RPS6KA4: variants seen among roughly 807,000 people sequenced by gnomAD.
RPS6KA4 encodes the protein ribosomal protein S6 kinase alpha-4.
Under a neutral mutation model 89.6 loss-of-function variants are expected in RPS6KA4, and 38 were observed. The observed-to-expected ratio is 0.42, with a 90% confidence interval of 0.33 to 0.56. RPS6KA4 has a LOEUF of 0.56. Ranked by LOEUF, RPS6KA4 falls within the 20% of genes least tolerant of loss-of-function variation. The pLI is 0.07. For missense variants in RPS6KA4, 873 were observed against 1,098.8 expected, an observed-to-expected ratio of 0.79 and a Z score of 2.90; for synonymous variants, 495 against 492.8, an observed-to-expected ratio of 1.00 and a Z score of -0.06.
intron 8 of RPS6KA4, among the ~76,000 whole-genome samples, chr11:64,364,168 ATTC>A (rs2036823971): frequency 1.0e-5 from 1 of 97,062 alleles, no homozygotes; most frequent in African/African-American, 3.9e-5. Context: ...TTTTTTTTTT[ATTC>A]TTAGCAAGTA....
At position 64,370,638 on chromosome 11, in the gene RPS6KA4, G is replaced by A; in HGVS notation, c.2033G>A (p.Ser678Asn). 6.3e-7 allele frequency: 1 copy of A among 1,575,146 alleles called. No homozygotes were observed. Among genetic ancestry groups the A allele is most frequent in the Non-Finnish European group, 8.6e-7 (1 of 1,167,688 alleles). Residue 678 changes from serine (S) to asparagine (N), a missense_variant, in exon 16 of 17, where the codon AGC (serine) becomes AAC (asparagine). Ser to Asn is a conservative substitution (Grantham distance 46). Transcript: ENST00000334205. This position sits in a 1 kb window ranked among gnomAD's most constrained non-coding sequence, Gnocchi z 4.1. ...LRGSSWLQDGSARSSPPLRTP... is the reference protein window; with the variant it reads ...LRGSSWLQDGNARSSPPLRTP... ...GGCAGCTCGTGGCTGCAGGACGGCA[G>A]CGCGCGCTCCTCGCCCCCGCTCCGG...
intron 8 of RPS6KA4, among the ~76,000 whole-genome samples, chr11:64,363,035 T>G (rs188042179): frequency 6.6e-6 from 1 of 152,308 alleles, no homozygotes; most frequent in Non-Finnish European, 1.5e-5. Context: ...AACAATTAAG[T>G]ACTTTGTCCA....
chr11:64,367,203 T>C (rs1191297888), intron 9 of RPS6KA4, among the ~76,000 whole-genome samples: 1 of 152,232 alleles, frequency 6.6e-6, no homozygotes, highest in Non-Finnish European at 1.5e-5. Flanking sequence ...TGGAGTGCAG[T>C]TGGGCAACCA....
At chr11:64,360,613 A>T (rs759164837) in intron 4 of RPS6KA4, 21 bp downstream of exon 4, 1 of 1,568,798 alleles carries the variant, frequency 6.4e-7, no homozygotes. Context: ...ACCTGGCCGC[A>T]GGCTGTTGCT....
intron 4 of RPS6KA4, 172 bp downstream of exon 4, chr11:64,360,764 G>T: frequency 1.6e-6 from 1 of 626,732 alleles, no homozygotes; most frequent in Non-Finnish European, 2.7e-6. Context: ...AAGCCTCAAC[G>T]TTGCCTGGTG....
In RPS6KA4 at chr11:64,361,643, C is replaced by G; in HGVS notation, c.653C>G (p.Ala218Gly). Reference sequence around the variant, plus strand: ...CCTCACCCCGGCTCCACCCGGCAGGCTGTGGACTGGTGGAGCCTGGGCATC... The same window carrying G: ...CCTCACCCCGGCTCCACCCGGCAGGGTGTGGACTGGTGGAGCCTGGGCATC... ...IIRSKTGHGK[A>G]VDWWSLGILL... Residue 218 changes from alanine to glycine, a missense_variant and splice_region_variant, in exon 7 of 17, where the codon GCT becomes GGT. By Grantham distance (60) the Ala-to-Gly change is moderately conservative. This residue lies in a region of RPS6KA4 where 542 missense variants were observed against 736.4 expected (regional missense o/e 0.74). Coordinates refer to ENST00000334205, the MANE Select transcript of RPS6KA4 (RefSeq NM_003942.3). The surrounding 1 kb of genome is among the most constrained non-coding windows in gnomAD (Gnocchi z 4.7). 12 of 1,613,276 alleles carry G rather than the reference C, an allele frequency of 7.4e-6. No individual in the cohort carries two copies. The highest frequency in any genetic ancestry group is 1.3e-5 in the African/African-American group (1 of 75,038).
At position 64,370,525 on chromosome 11, in the gene RPS6KA4, G is replaced by A. The variant is rs765295484; in HGVS notation, c.1958-38G>A. 1.3e-6 allele frequency: 2 copies of A among 1,589,088 alleles called. No homozygotes were observed. The highest frequency in any genetic ancestry group is 1.3e-5 in the African/African-American group (1 of 74,584). On this transcript the variant is annotated intron_variant, in intron 15 of 16. Coordinates refer to ENST00000334205, the MANE Select transcript of RPS6KA4 (RefSeq NM_003942.3). The surrounding 1 kb of genome is among the most constrained non-coding windows in gnomAD (Gnocchi z 4.1). ...GATCTCTTTGGGGCTCAGCCTTTAC[G>A]CCAGGCTCCTCCCCACACTTCCTTG... is the stretch of plus-strand genomic sequence containing the variant.
chr11:64,368,721 A>C lies in RPS6KA4; in HGVS notation c.1352A>C (p.Gln451Pro). The stretch of plus-strand genomic sequence containing the variant: ...TCCCCCAGGCTGGAGGCGAACACGC[A>C]GCGCGAAGTGGCTGCCCTGCGCCTG... The part of the protein sequence containing the change: ...ILSRRLEANT[Q>P]REVAALRLCQ... The change falls in exon 12 of 17, where the codon CAG (glutamine) becomes CCG (proline). Residue 451 changes from glutamine (Q) to proline (P), a missense_variant. Gln to Pro is a moderately conservative substitution (Grantham distance 76). This residue lies in a region of RPS6KA4 where 542 missense variants were observed against 736.4 expected (regional missense o/e 0.74). Coordinates refer to ENST00000334205, the MANE Select transcript of RPS6KA4 (RefSeq NM_003942.3). The C allele has an allele frequency of 6.3e-7, 1 of 1,577,654 alleles. No homozygotes were observed. The highest frequency in any genetic ancestry group is 8.6e-7 in the Non-Finnish European group (1 of 1,162,136).
rs2036706224 is a variant in RPS6KA4, at chr11:64,360,246, G to T, written c.211G>T (p.Ala71Ser). 3 of 1,547,812 alleles carry T rather than the reference G, an allele frequency of 1.9e-6. No homozygotes were observed. In the African/African-American group the frequency reaches 4.1e-5, roughly 21 times the overall value. Reference protein sequence around the residue: ...LYAMKVLRKAALVQRAKTQEH... With the variant: ...LYAMKVLRKASLVQRAKTQEH... ...CGCCATGAAGGTGCTGCGCAAGGCGGCGCTGGTGCAGCGCGCCAAGACGCA... is the reference window on the plus strand; with the variant it reads ...CGCCATGAAGGTGCTGCGCAAGGCGTCGCTGGTGCAGCGCGCCAAGACGCA... Residue 71 changes from alanine to serine, a missense_variant, in exon 3 of 17, where the codon GCG becomes TCG. Physicochemically the swap from Ala to Ser is moderately conservative, Grantham distance 99. Coordinates refer to ENST00000334205, the MANE Select transcript of RPS6KA4 (RefSeq NM_003942.3).
chr11:64,371,800 A>C lies in RPS6KA4; in HGVS notation c.*320A>C. 3.8e-6 allele frequency: 1 copy of C among 265,472 alleles called. No homozygotes were observed. Among genetic ancestry groups the C allele is most frequent in the Non-Finnish European group, 7.1e-6 (1 of 140,040 alleles). The allele number at this position is 265,472 out of a possible 1,614,324, so 16.4% of individuals were successfully genotyped here. On this transcript the variant is annotated 3_prime_UTR_variant, in exon 17 of 17. Transcript: ENST00000334205. ...GGAAAGAGCCCCTCCCCCACTTCTA[A>C]GCACTGAGTTAGGAGTGCTAACTCC...
At position 64,368,562 on chromosome 11, in the gene RPS6KA4, A is replaced by G. The variant is rs1397460841; in HGVS notation, c.1295A>G (p.Gln432Arg). 1.3e-6 allele frequency: 2 copies of G among 1,598,422 alleles called. No homozygotes were observed. The highest frequency in any genetic ancestry group is 1.7e-6 in the Non-Finnish European group (2 of 1,175,008). ...FSVCRRCRQRQSGQEFAVKIL... is the reference protein window; with the variant it reads ...FSVCRRCRQRRSGQEFAVKIL... Reference sequence around the variant, plus strand: ...GTGTGTCGCCGCTGCCGCCAGCGCCAGAGCGGCCAGGAGTTCGCAGTCAAG... The same window carrying G: ...GTGTGTCGCCGCTGCCGCCAGCGCCGGAGCGGCCAGGAGTTCGCAGTCAAG... Residue 432 changes from glutamine to arginine, a missense_variant, in exon 11 of 17, where the codon CAG becomes CGG. Physicochemically the swap from Gln to Arg is conservative, Grantham distance 43. Transcript: ENST00000334205.
At chr11:64,365,648 T>A (rs762539921) in intron 9 of RPS6KA4, among the ~76,000 whole-genome samples, 183 bp downstream of exon 9, 2 of 152,234 alleles carry the variant, frequency 1.3e-5, no homozygotes, top group Non-Finnish European at 2.9e-5. Context: ...CCAGGCAGGA[T>A]GTGTGTTTGA....
chr11:64,367,774 T>C lies in RPS6KA4; in HGVS notation c.1072-358T>C, dbSNP rs543696036. On this transcript the variant is annotated intron_variant, in intron 9 of 16. Transcript: ENST00000334205. ...TTGAAAGGGAGGAATAAGTTTTTTT[T>C]CCTCAGCGGATAGAGTTGGATTCTC... 2.5e-3 allele frequency among the ~76,000 whole-genome samples: 379 copies of C among 152,332 alleles called. 1 individual carries two copies. Among genetic ancestry groups the C allele is most frequent in the Non-Finnish European group, 4.2e-3 (288 of 68,032 alleles).
At chr11:64,369,653 G>T (rs1213744717) in intron 13 of RPS6KA4, 34 bp downstream of exon 13, 1 of 1,600,378 alleles carries the variant, frequency 6.2e-7, no homozygotes, top group South Asian at 1.1e-5. Flanking sequence ...GGGCGGAGCG[G>T]TGGCGCCGGG....
chr11:64,360,867 C>A lies in RPS6KA4; in HGVS notation c.463-267C>A, dbSNP rs780042155. The A allele has an allele frequency of 2.9e-4, 165 of 572,688 alleles. 1 individual carries two copies. The highest frequency in any genetic ancestry group is 6.5e-5 in the Non-Finnish European group (21 of 323,696). The allele number at this position is 572,688 out of a possible 1,614,324, so 35.5% of individuals were successfully genotyped here. ...AGAACTTCCTCAAATGGAAACCTCACGGCCTGGCTCCTAAGGCCTCCTTGA... is the reference window on the plus strand; with the variant it reads ...AGAACTTCCTCAAATGGAAACCTCAAGGCCTGGCTCCTAAGGCCTCCTTGA... On this transcript the variant is annotated intron_variant, in intron 4 of 16. Transcript: ENST00000334205.
rs1267280080 is a variant in RPS6KA4, at chr11:64,360,505, C to T, written c.375C>T (p.Thr125=). 4 of 1,611,222 alleles carry T rather than the reference C, an allele frequency of 2.5e-6. No individual in the cohort carries two copies. Among genetic ancestry groups the T allele is most frequent in the Non-Finnish European group, 3.4e-6 (4 of 1,178,542 alleles). Residue 125 remains threonine, a synonymous_variant, in exon 4 of 17, where the codon ACC becomes ACT. Transcript: ENST00000334205. ...LDYVSGGEMF[T]HLYQRQYFKE... is the part of the protein sequence containing the mutation. ...ATGTGAGCGGCGGGGAGATGTTCAC[C>T]CACCTCTACCAGCGCCAGTACTTCA...
chr11:64,362,611 C>T (rs780038456), intron 8 of RPS6KA4, among the ~76,000 whole-genome samples: 1 of 152,370 alleles, frequency 6.6e-6, no homozygotes, highest in Admixed American at 6.5e-5. Context: ...GACTTTGTAA[C>T]AGTCAATACC....
chr11:64,371,509 T>G lies in RPS6KA4; in HGVS notation c.*29T>G. 3 of 872,640 alleles carry G rather than the reference T, an allele frequency of 3.4e-6. No individual in the cohort carries two copies. Among genetic ancestry groups the G allele is most frequent in the East Asian group, 2.7e-5 (1 of 37,258 alleles). The allele number at this position is 872,640 out of a possible 1,614,324, so 54.1% of individuals were successfully genotyped here. Reference sequence around the variant, plus strand: ...CCACCACTGTGACCCCCTTCCCTCATAGGGGCTGTGACCTGGGAGCCCGGC... The same window carrying G: ...CCACCACTGTGACCCCCTTCCCTCAGAGGGGCTGTGACCTGGGAGCCCGGC... On this transcript the variant is annotated 3_prime_UTR_variant, in exon 17 of 17. Transcript: ENST00000334205.
intron 9 of RPS6KA4, among the ~76,000 whole-genome samples, chr11:64,367,746 G>A (rs1380612192): frequency 1.3e-5 from 2 of 152,180 alleles, no homozygotes; most frequent in Non-Finnish European, 2.9e-5. Context: ...GCCAAAGTCC[G>A]GCTTGAAAGG....
Sources: allele counts gnomAD v4.1 joint callset (sites outside exome capture counted in the v4.1 genomes callset), GRCh38; gene constraint gnomAD v4.1.1; regional missense constraint gnomAD v4.1.1; non-coding constraint Gnocchi (gnomAD v3.1); transcripts MANE v1.5; gene names NCBI Gene and HGNC (gene_info 2026-07-23, HGNC 2026-07-21).